The following SCG5 variants were observed in gnomAD, a reference collection of about 807,000 sequenced individuals.
SCG5 encodes neuroendocrine protein 7B2.
Under a neutral mutation model 25.7 loss-of-function variants are expected in SCG5, and 18 were observed. The observed-to-expected ratio is 0.70, with a 90% CI of 0.48 to 1.04. The LOEUF (loss-of-function observed/expected upper bound fraction) is 1.04, where lower values mean the gene tolerates loss of function less well. Ranked by LOEUF, SCG5 falls within the 50% of genes least tolerant of loss-of-function variation. The probability of loss-of-function intolerance (pLI) is 0.00; values close to 1 mark genes in which losing one functional copy is unlikely to be tolerated. For missense variants in SCG5, 206 were observed against 259.8 expected (o/e 0.79, Z 1.42); for synonymous variants, 101 against 91.7 (o/e 1.10, Z -0.58).
intron 5 of SCG5, among the ~76,000 whole-genome samples, chr15:32,694,232 T>TCATTAATTTTTCCCCTCCC (rs1567092634): frequency 2.0e-5 from 3 of 152,220 alleles, no homozygotes; most frequent in African/African-American, 7.2e-5. Flanking sequence ...TTTTACCTCC[T>TCATTAATTTTTCCCCTCCC]CATTAATTTT....
At chr15:32,649,077 C>T (rs1264900370) in intron 2 of SCG5, among the ~76,000 whole-genome samples, 4 of 152,112 alleles carry the variant, frequency 2.6e-5, no homozygotes, top group African/African-American at 9.7e-5. Flanking sequence ...AGCTCCATAG[C>T]ATTTTTTGTC....
chr15:32,662,166 C>T (rs1016424096), intron 2 of SCG5, among the ~76,000 whole-genome samples: 4 of 152,134 alleles, frequency 2.6e-5, no homozygotes, highest in African/African-American at 9.7e-5. Context: ...CATATTTGTG[C>T]ATAAACGTTT....
intron 4 of SCG5, among the ~76,000 whole-genome samples, chr15:32,689,529 T>C (rs1298806576): frequency 3.9e-5 from 6 of 152,170 alleles, no homozygotes; most frequent in Admixed American, 3.9e-4. Context: ...TTGATGGCAC[T>C]ATGGAAAGCC....
intron 5 of SCG5, among the ~76,000 whole-genome samples, chr15:32,693,086 A>G (rs1273188486): frequency 1.3e-5 from 2 of 152,206 alleles, no homozygotes; most frequent in African/African-American, 4.8e-5. Context: ...AACTCAAAAT[A>G]CACATAATTT....
At chr15:32,655,528 G>A (rs2054103853) in intron 2 of SCG5, among the ~76,000 whole-genome samples, 1 of 152,170 alleles carries the variant, frequency 6.6e-6, no homozygotes, top group African/African-American at 2.4e-5. Flanking sequence ...CTGTTGTAGT[G>A]GGTGCTGACT....
intron 3 of SCG5, among the ~76,000 whole-genome samples, chr15:32,683,346 C>T (rs1307893145): frequency 6.6e-6 from 1 of 152,148 alleles, no homozygotes; most frequent in African/African-American, 2.4e-5. Context: ...CACAATCCCT[C>T]CTCTGTCCCC....
At chr15:32,650,291 C>T (rs1042369997) in intron 2 of SCG5, among the ~76,000 whole-genome samples, 38 of 151,990 alleles carry the variant, frequency 2.5e-4, no homozygotes, top group Middle Eastern at 3.2e-3. Context: ...TTAGTAGAGA[C>T]GGGGTTTCAC....
chr15:32,696,745 G>A lies in SCG5; in HGVS notation c.*136G>A. The A allele has an allele frequency of 8.6e-6, 5 of 583,064 alleles. No individual in the cohort carries two copies. The highest frequency in any genetic ancestry group is 1.6e-5 in the Non-Finnish European group (5 of 321,556). The allele number at this position is 583,064 out of a possible 1,614,324, so 36.1% of individuals were successfully genotyped here. Reference sequence around the variant, plus strand: ...TATGGATACAAAGCAGCTGTATGTAGATAGTGTATTGTCTTCACACCGATG... The same window carrying A: ...TATGGATACAAAGCAGCTGTATGTAAATAGTGTATTGTCTTCACACCGATG... On this transcript the variant is annotated 3_prime_UTR_variant, in exon 6 of 6. Coordinates refer to ENST00000300175, the MANE Select transcript of SCG5 (RefSeq NM_001144757.3).
intron 2 of SCG5, among the ~76,000 whole-genome samples, chr15:32,657,352 C>A (rs1272599611): frequency 4.0e-5 from 6 of 150,446 alleles, no homozygotes; most frequent in Non-Finnish European, 7.4e-5. Context: ...TCCCACCTGG[C>A]CTTAAGTGCT....
At chr15:32,657,040 C>G (rs2054128339) in intron 2 of SCG5, among the ~76,000 whole-genome samples, 1 of 150,426 alleles carries the variant, frequency 6.6e-6, no homozygotes, top group African/African-American at 2.4e-5. Context: ...AGTTTAGCTT[C>G]CCAATCTAAA....
intron 4 of SCG5, among the ~76,000 whole-genome samples, chr15:32,685,603 C>T (rs1331383822): frequency 6.6e-6 from 1 of 152,148 alleles, no homozygotes; most frequent in Admixed American, 6.5e-5. Flanking sequence ...CAGAGGATGA[C>T]ATGAAGTTGG....
chr15:32,649,370 A>G (rs180939059), intron 2 of SCG5, among the ~76,000 whole-genome samples: 80 of 152,310 alleles, frequency 5.3e-4, no homozygotes, highest in Non-Finnish European at 1.0e-3. Context: ...CTCTGCCTAG[A>G]GGTTCTTGCC....
At chr15:32,663,119 T>C (rs2054264834) in intron 2 of SCG5, among the ~76,000 whole-genome samples, 1 of 146,416 alleles carries the variant, frequency 6.8e-6, no homozygotes, top group South Asian at 2.1e-4. Context: ...TATACATATA[T>C]ACATATATAA....
chr15:32,686,596 G>A (rs905048619), intron 4 of SCG5, among the ~76,000 whole-genome samples: 2 of 152,152 alleles, frequency 1.3e-5, no homozygotes, highest in South Asian at 4.1e-4. Context: ...ACATAAAAAA[G>A]AGAAGAGAGA....
chr15:32,653,911 C>T (rs77739253), intron 2 of SCG5, among the ~76,000 whole-genome samples: 5,820 of 152,228 alleles, frequency 0.038, 406 homozygotes, highest in African/African-American at 0.13. Flanking sequence ...ATAAAATTAA[C>T]ACAGCTGTCA....
intron 2 of SCG5, among the ~76,000 whole-genome samples, chr15:32,675,633 C>T (rs147387377): frequency 1.0e-3 from 157 of 152,318 alleles, no homozygotes; most frequent in African/African-American, 3.6e-3. Context: ...TCTATAGCAC[C>T]TAACGTAATT....
chr15:32,695,047 G>A (rs184085864), intron 5 of SCG5, among the ~76,000 whole-genome samples: 116 of 146,784 alleles, frequency 7.9e-4, no homozygotes, highest in African/African-American at 2.8e-3. Flanking sequence ...ATGGAGTCTC[G>A]CTCTGTCGCC....
intron 2 of SCG5, chr15:32,656,316 C>A (rs143115486): frequency 1.3e-5 from 2 of 152,140 alleles, no homozygotes; most frequent in African/African-American, 4.8e-5. Flanking sequence ...TGTGCTGAGT[C>A]GCCAGGGAAG....
chr15:32,694,348 A>G (rs2140619058), intron 5 of SCG5, among the ~76,000 whole-genome samples: 2 of 152,328 alleles, frequency 1.3e-5, no homozygotes, highest in Middle Eastern at 6.8e-3. Context: ...GCTTTGAACA[A>G]CTTTTTGTAC....
Sources: allele counts gnomAD v4.1 joint callset (sites outside exome capture counted in the v4.1 genomes callset), GRCh38; gene constraint gnomAD v4.1.1; transcripts MANE v1.5; gene names NCBI Gene and HGNC (gene_info 2026-07-23, HGNC 2026-07-21).